The following PSMD14 variants were observed in gnomAD, a reference collection of about 807,000 sequenced individuals.
PSMD14 encodes the protein proteasome 26S subunit, non-ATPase 14, also known as ubiquitin C-terminal hydrolase PSMD14.
A neutral mutation model predicts 41.2 loss-of-function variants in PSMD14; 7 were observed. The observed-to-expected ratio is 0.17, with a 90% CI of 0.10 to 0.32. PSMD14 has a LOEUF of 0.32. Among genes scored for constraint, PSMD14 ranks in the 10% least tolerant of loss-of-function variants. The pLI is 1.00. For missense variants in PSMD14, 139 were observed against 375.6 expected, an observed-to-expected ratio of 0.37 and a Z score of 5.21; for synonymous variants, 114 against 122.3, an observed-to-expected ratio of 0.93 and a Z score of 0.45.
intron 7 of PSMD14, chr2:161,384,051 A>C (rs1017184656): frequency 6.6e-6 from 1 of 151,666 alleles, no homozygotes. Context: ...CATGAAAGTT[A>C]AGTGTGGATT....
intron 3 of PSMD14, among the ~76,000 whole-genome samples, chr2:161,330,391 G>A (rs916501520): frequency 6.6e-6 from 1 of 151,984 alleles, no homozygotes; most frequent in Non-Finnish European, 1.5e-5. Context: ...TGTATGGGAC[G>A]TTATGATCAA....
At chr2:161,359,246 A>G (rs189006000) in intron 3 of PSMD14, among the ~76,000 whole-genome samples, 26 of 152,338 alleles carry the variant, frequency 1.7e-4, no homozygotes, top group Non-Finnish European at 1.6e-4. Context: ...TGCTGGGATT[A>G]TAGGTGTGAG....
chr2:161,361,101 C>T (rs1277783935), intron 3 of PSMD14, among the ~76,000 whole-genome samples: 2 of 151,972 alleles, frequency 1.3e-5, no homozygotes, highest in Non-Finnish European at 2.9e-5. Context: ...TAGGCATTCA[C>T]CAATATTTTT....
chr2:161,382,024 G>A (rs1473188416), intron 7 of PSMD14: 1 of 151,638 alleles, frequency 6.6e-6, no homozygotes, highest in Non-Finnish European at 1.5e-5. Context: ...ATAAATATGT[G>A]TCTTCTACTT....
At chr2:161,325,566 CTA>C (rs1682683044) in intron 3 of PSMD14, among the ~76,000 whole-genome samples, 1 of 152,116 alleles carries the variant, frequency 6.6e-6, no homozygotes, top group African/African-American at 2.4e-5. Context: ...GATGAGGACT[CTA>C]TATCACCACA....
At chr2:161,344,328 G>C (rs959746708) in intron 3 of PSMD14, among the ~76,000 whole-genome samples, 2 of 152,210 alleles carry the variant, frequency 1.3e-5, no homozygotes, top group Admixed American at 6.5e-5. Context: ...GTGCCAGTGT[G>C]ATTGGGTTCT....
intron 3 of PSMD14, among the ~76,000 whole-genome samples, chr2:161,337,142 A>T (rs746322029): frequency 3.0e-4 from 45 of 152,178 alleles, no homozygotes; most frequent in Non-Finnish European, 6.0e-4. Flanking sequence ...CAAGAGGGAA[A>T]CGTGCTTTGT....
At position 161,411,635 on chromosome 2, in the gene PSMD14, A is replaced by G; in HGVS notation, c.*235A>G. On this transcript the variant is annotated 3_prime_UTR_variant, in exon 12 of 12. Coordinates refer to ENST00000409682, the MANE Select transcript of PSMD14 (RefSeq NM_005805.6). ...ACATCAAAGTGGACAAATTTTGTTA[A>G]GATCCCATTTAATATTTGAAAAAAT... 3.7e-6 allele frequency: 1 copy of G among 271,232 alleles called. No homozygotes were observed. Among genetic ancestry groups the G allele is most frequent in the Non-Finnish European group, 6.9e-6 (1 of 145,344 alleles). The allele number at this position is 271,232 out of a possible 1,614,324, so 16.8% of individuals were successfully genotyped here. A position where few individuals can be genotyped will look rare whatever the true frequency, so the allele number is the denominator to read the frequency against.
At chr2:161,336,784 C>T (rs938762263) in intron 3 of PSMD14, among the ~76,000 whole-genome samples, 1 of 152,116 alleles carries the variant, frequency 6.6e-6, no homozygotes, top group African/African-American at 2.4e-5. Flanking sequence ...CCATGTTGGC[C>T]AGTCTGGTCT....
intron 7 of PSMD14, 26 bp from the exon 8 acceptor site, chr2:161,385,438 A>AG (rs1367101446): frequency 6.7e-7 from 1 of 1,482,086 alleles, no homozygotes; most frequent in South Asian, 1.2e-5. Context: ...TTAAAAAAAA[A>AG]TTGACTTGAC....
chr2:161,405,158 T>C (rs1261473041), intron 10 of PSMD14, among the ~76,000 whole-genome samples: 1 of 152,158 alleles, frequency 6.6e-6, no homozygotes, highest in Non-Finnish European at 1.5e-5. Flanking sequence ...TTTGAAACTT[T>C]GGACTCATCT....
chr2:161,319,497 A>G (rs115329230), intron 3 of PSMD14, among the ~76,000 whole-genome samples: 87 of 152,224 alleles, frequency 5.7e-4, no homozygotes, highest in African/African-American at 2.1e-3. Flanking sequence ...CTGCTTTCAG[A>G]TCAAGAATTT....
intron 3 of PSMD14, among the ~76,000 whole-genome samples, chr2:161,349,874 G>C (rs1465856981): frequency 6.6e-6 from 1 of 152,134 alleles, no homozygotes; most frequent in Non-Finnish European, 1.5e-5. Flanking sequence ...GTTGATTAAT[G>C]AATAATTATG....
intron 7 of PSMD14, among the ~76,000 whole-genome samples, chr2:161,371,984 C>G (rs945239801): frequency 4.6e-5 from 6 of 131,556 alleles, no homozygotes; most frequent in Non-Finnish European, 1.0e-4. Context: ...TTTTTTATTT[C>G]TTTCTTTCTA....
chr2:161,310,181 T>TG (rs1460194258), intron 1 of PSMD14, among the ~76,000 whole-genome samples: 2 of 152,204 alleles, frequency 1.3e-5, no homozygotes, highest in East Asian at 3.8e-4. Flanking sequence ...AATTTTAATC[T>TG]GTTTGACATG....
At chr2:161,387,799 T>C (rs1683653596) in intron 8 of PSMD14, among the ~76,000 whole-genome samples, 1 of 152,016 alleles carries the variant, frequency 6.6e-6, no homozygotes, top group African/African-American at 2.4e-5. Flanking sequence ...CATATATTGC[T>C]TTTAGAAAAT....
chr2:161,341,209 C>G (rs894836778), intron 3 of PSMD14: 151 of 967,616 alleles, frequency 1.6e-4, no homozygotes, highest in Non-Finnish European at 1.8e-4. Flanking sequence ...TCCGGGGGCG[C>G]GCGGGCAGGC....
intron 10 of PSMD14, among the ~76,000 whole-genome samples, chr2:161,403,153 A>C (rs1440219545): frequency 1.3e-5 from 2 of 152,250 alleles, no homozygotes; most frequent in East Asian, 3.8e-4. Context: ...AATGTCTATC[A>C]GTAGATGAGT....
intron 1 of PSMD14, among the ~76,000 whole-genome samples, chr2:161,315,749 A>G (rs1312997197): frequency 1.3e-5 from 2 of 152,092 alleles, no homozygotes; most frequent in Admixed American, 6.5e-5. Flanking sequence ...ACTATTTGAT[A>G]GATTTGTAAT....
Sources: allele counts gnomAD v4.1 joint callset (sites outside exome capture counted in the v4.1 genomes callset), GRCh38; gene constraint gnomAD v4.1.1; transcripts MANE v1.5; gene names NCBI Gene and HGNC (gene_info 2026-07-23, HGNC 2026-07-21).